Variants in EXOC3L2 observed in about 807,000 individuals in gnomAD.
The protein encoded by EXOC3L2 is exocyst complex component 3-like protein 2.
EXOC3L2 carries 17 observed loss-of-function variants against 44.4 expected under a neutral mutation model. The observed-to-expected ratio is 0.38, with a 90% confidence interval of 0.26 to 0.57. The LOEUF is 0.57. EXOC3L2 is among the 20% of genes least tolerant of loss of function. The pLI, the probability that EXOC3L2 is intolerant of heterozygous loss-of-function variation, is 0.65. For missense variants in EXOC3L2, 541 were observed against 588.4 expected, an observed-to-expected ratio of 0.92 and a Z score of 0.83; for synonymous variants, 256 against 253.7, an observed-to-expected ratio of 1.01 and a Z score of -0.09.
intron 1 of EXOC3L2, among the ~76,000 whole-genome samples, chr19:45,240,214 C>T (rs346743): frequency 0.21 from 31,212 of 150,692 alleles, 3,747 homozygotes; most frequent in Non-Finnish European, 0.28. Context: ...AAATGATCCT[C>T]GTACCTCAGC....
chr19:45,234,831 G>A lies in EXOC3L2; in HGVS notation c.524-5C>T. 2 of 393,346 alleles carry A rather than the reference G, an allele frequency of 5.1e-6. No homozygotes were observed. The highest frequency in any genetic ancestry group is 9.0e-6 in the Non-Finnish European group (2 of 222,512). The allele number at this position is 393,346 out of a possible 1,614,324, so 24.4% of individuals were successfully genotyped here. On this transcript the variant is annotated splice_region_variant and splice_polypyrimidine_tract_variant and intron_variant, in intron 2 of 11. Transcript: ENST00000413988. The surrounding 1 kb of genome is among the most constrained non-coding windows in gnomAD (Gnocchi z 5.0). ...TCAGGCTCAGGATCTCCAGCACTGC[G>A]GGAGCAAAGCGGGAGGTCAGCAGTG...
chr19:45,221,723 C>T (rs1969900601), intron 8 of EXOC3L2, among the ~76,000 whole-genome samples: 1 of 149,012 alleles, frequency 6.7e-6, no homozygotes, highest in African/African-American at 2.5e-5. Flanking sequence ...ACACAGCTCA[C>T]TACATCCTCA....
At position 45,234,894 on chromosome 19, in the gene EXOC3L2, G is replaced by C. The variant is rs1356099446; in HGVS notation, c.524-68C>G. 1.0e-5 allele frequency: 4 copies of C among 382,884 alleles called. No homozygotes were observed. Among genetic ancestry groups the C allele is most frequent in the South Asian group, 1.4e-4 (1 of 7,312 alleles). 23.7% of individuals were successfully genotyped at this position (382,884 alleles called of 1,614,324 possible). ...GAGGGCGATGCCGGACGCGGGGTTG[G>C]GGGTGCTTAGGAAGGGGAGAGAGAT... On this transcript the variant is annotated intron_variant, in intron 2 of 11. Coordinates refer to ENST00000413988, the MANE Select transcript of EXOC3L2 (RefSeq NM_001382422.1). This position sits in a 1 kb window ranked among gnomAD's most constrained non-coding sequence, Gnocchi z 5.0.
intron 11 of EXOC3L2, among the ~76,000 whole-genome samples, chr19:45,214,611 T>C (rs1969814205): frequency 6.6e-6 from 1 of 151,654 alleles, no homozygotes; most frequent in South Asian, 2.1e-4. Context: ...ATTACAGGAG[T>C]GTGCCATCAC....
intron 1 of EXOC3L2, among the ~76,000 whole-genome samples, chr19:45,241,332 G>T (rs1447383999): frequency 6.6e-6 from 1 of 152,056 alleles, no homozygotes; most frequent in African/African-American, 2.4e-5. Flanking sequence ...CAAAAAATTA[G>T]CTGGGTGCAG....
chr19:45,244,941 T>C (rs1042040916), intron 1 of EXOC3L2, among the ~76,000 whole-genome samples: 1 of 151,816 alleles, frequency 6.6e-6, no homozygotes, highest in Non-Finnish European at 1.5e-5. Flanking sequence ...ACCTGGTCCC[T>C]GTCTCCCATC....
intron 8 of EXOC3L2, among the ~76,000 whole-genome samples, chr19:45,218,820 G>A (rs891982175): frequency 4.6e-5 from 7 of 152,114 alleles, no homozygotes; most frequent in South Asian, 2.1e-4. Context: ...ATTAAGGGCC[G>A]GGCACAGTGG....
At position 45,238,823 on chromosome 19, in the gene EXOC3L2, G is replaced by A. The variant is rs902377387; in HGVS notation, c.223C>T (p.Arg75Trp). 2.3e-5 allele frequency: 9 copies of A among 398,794 alleles called. No individual in the cohort carries two copies. Among genetic ancestry groups the A allele is most frequent in the Admixed American group, 1.8e-4 (4 of 22,710 alleles). 24.7% of individuals were successfully genotyped at this position (398,794 alleles called of 1,614,324 possible). ...CCATCCCCAGGGCTGCCTGCCCGCCGGCCCGGGGCCCAGCCCAGCCGGAAG... is the reference window on the plus strand; with the variant it reads ...CCATCCCCAGGGCTGCCTGCCCGCCAGCCCGGGGCCCAGCCCAGCCGGAAG... ...APFRLGWAPG[R>W]RAGSPGDGQP... is the part of the protein sequence containing the mutation. The change falls in exon 2 of 12, where the codon CGG becomes TGG. Residue 75 changes from arginine to tryptophan, a missense_variant. By Grantham distance (101) the Arg-to-Trp change is moderately radical. Coordinates refer to ENST00000413988, the MANE Select transcript of EXOC3L2 (RefSeq NM_001382422.1). This position sits in a 1 kb window ranked among gnomAD's most constrained non-coding sequence, Gnocchi z 5.5.
chr19:45,217,201 A>C (rs1388173189), intron 10 of EXOC3L2, among the ~76,000 whole-genome samples: 1 of 152,036 alleles, frequency 6.6e-6, no homozygotes, highest in Non-Finnish European at 1.5e-5. Context: ...TTGGTAATGC[A>C]AGGAGTTTTA....
intron 1 of EXOC3L2, among the ~76,000 whole-genome samples, chr19:45,240,739 T>TA (rs1215405764): frequency 6.6e-6 from 1 of 151,614 alleles, no homozygotes; most frequent in South Asian, 2.1e-4. Flanking sequence ...CTACTAAAAA[T>TA]AAAAAAAGTA....
intron 1 of EXOC3L2, among the ~76,000 whole-genome samples, chr19:45,239,899 T>A (rs1438628259): frequency 6.6e-6 from 1 of 151,996 alleles, no homozygotes; most frequent in Non-Finnish European, 1.5e-5. Flanking sequence ...CCTCCCAAGA[T>A]GACACAGTCA....
At chr19:45,215,504 G>A (rs568697918) in intron 11 of EXOC3L2, among the ~76,000 whole-genome samples, 12 of 152,166 alleles carry the variant, frequency 7.9e-5, no homozygotes, top group African/African-American at 2.9e-4. Flanking sequence ...CATGTAAGAT[G>A]CTTATTTAGG....
In EXOC3L2 at chr19:45,212,993, C is replaced by G; in HGVS notation, c.*76G>C. 1 of 1,396,310 alleles carries G rather than the reference C, an allele frequency of 7.2e-7. No individual in the cohort carries two copies. Among genetic ancestry groups the G allele is most frequent in the South Asian group, 1.6e-5 (1 of 61,240 alleles). The allele number at this position is 1,396,310 out of a possible 1,614,324, so 86.5% of individuals were successfully genotyped here. A position where few individuals can be genotyped will look rare whatever the true frequency, so the allele number is the denominator to read the frequency against. On this transcript the variant is annotated 3_prime_UTR_variant, in exon 12 of 12. Transcript: ENST00000413988. ...GGGTGTGTGGTCCCAGGCAGGGAGT[C>G]AGGAGGGGCGCCGTACGGGAGGTTG...
chr19:45,235,495 TG>T (rs1260042247), intron 2 of EXOC3L2, among the ~76,000 whole-genome samples: 1 of 150,400 alleles, frequency 6.6e-6, no homozygotes, highest in Non-Finnish European at 1.5e-5. Flanking sequence ...GACTTGGAGA[TG>T]GGGAGAGGAT....
chr19:45,242,120 C>A (rs1415355373), intron 1 of EXOC3L2, among the ~76,000 whole-genome samples: 1 of 152,194 alleles, frequency 6.6e-6, no homozygotes, highest in Non-Finnish European at 1.5e-5. Flanking sequence ...AAGAGCCCTG[C>A]AGAGCCACAG....
intron 2 of EXOC3L2, among the ~76,000 whole-genome samples, chr19:45,236,559 G>A (rs1463072778): frequency 6.6e-6 from 1 of 150,470 alleles, no homozygotes; most frequent in Non-Finnish European, 1.5e-5. Context: ...GGATGGAATT[G>A]AAAATGGAGG....
intron 8 of EXOC3L2, among the ~76,000 whole-genome samples, chr19:45,219,827 T>C (rs1030394337): frequency 6.6e-6 from 1 of 152,192 alleles, no homozygotes; most frequent in African/African-American, 2.4e-5. Context: ...ACCAAATGAA[T>C]TGAGTTCACC....
chr19:45,245,268 C>T (rs1223455902), intron 1 of EXOC3L2, 73 bp downstream of exon 1: 1 of 152,120 alleles, frequency 6.6e-6, no homozygotes, highest in African/African-American at 2.4e-5. Flanking sequence ...TGGTCCAGTG[C>T]AACTAAGGGC....
intron 1 of EXOC3L2, among the ~76,000 whole-genome samples, chr19:45,243,468 C>A (rs1970146095): frequency 6.6e-6 from 1 of 152,174 alleles, no homozygotes; most frequent in Non-Finnish European, 1.5e-5. Context: ...CTTCTCAACC[C>A]TCCAGTTCCT....
Sources: gnomAD v4.1 joint callset for allele counts (sites outside exome capture counted in the v4.1 genomes callset) on GRCh38, gnomAD v4.1.1 for gene constraint, Gnocchi (gnomAD v3.1) non-coding constraint, MANE v1.5 for transcripts, NCBI Gene and HGNC (gene_info 2026-07-23, HGNC 2026-07-21) for gene names.